CFAP47: variants seen among roughly 807,000 people sequenced by gnomAD.
The protein encoded by CFAP47 is cilia- and flagella-associated protein 47.
Under a neutral mutation model 148.1 loss-of-function variants are expected in CFAP47, and 29 were observed. The observed-to-expected ratio is 0.20, with a 90% CI of 0.15 to 0.27. The LOEUF (loss-of-function observed/expected upper bound fraction) is 0.27, where lower values mean the gene tolerates loss of function less well. CFAP47 is among the 10% of genes least tolerant of loss of function. The probability of loss-of-function intolerance (pLI) is 1.00; values close to 1 mark genes in which losing one functional copy is unlikely to be tolerated. For synonymous variants in CFAP47, 664 were observed against 577.3 expected (o/e 1.15, Z -2.15); for missense variants, 1,872 against 1,697.5 (o/e 1.10, Z -1.81).
intron 13 of CFAP47, among the ~76,000 whole-genome samples, chrX:35,973,524 T>C (rs1209308763): frequency 1.8e-5 from 2 of 111,998 alleles, no homozygotes; most frequent in Non-Finnish European, 3.8e-5. Flanking sequence ...ATTTGCTTTC[T>C]TATTATAGAA....
chrX:36,064,502 C>A (rs967920693), intron 26 of CFAP47, among the ~76,000 whole-genome samples: 3 of 111,810 alleles, frequency 2.7e-5, no homozygotes, highest in African/African-American at 6.5e-5. Context: ...AGGTGGAAAT[C>A]ATTCAGTTGC....
rs778143904 is a variant in CFAP47 at position 36,100,430 on chromosome X, G to C, written c.5127+551G>C. Among the ~76,000 whole-genome samples the C allele has an allele frequency of 2.7e-5, 3 of 112,110 alleles. No homozygotes were observed. In the East Asian group the frequency reaches 8.5e-4, roughly 32 times the overall value. On this transcript the variant is annotated intron_variant, in intron 32 of 63. Coordinates refer to ENST00000378653, the MANE Select transcript of CFAP47 (RefSeq NM_001304548.2). ...GGCAAAAGGTTTTTATGAGATTCTCGAACTTACTTCCTGCCAAATTGCATT... is the reference window on the plus strand; with the variant it reads ...GGCAAAAGGTTTTTATGAGATTCTCCAACTTACTTCCTGCCAAATTGCATT...
chrX:36,104,584 G>A lies in CFAP47; in HGVS notation c.5213G>A (p.Cys1738Tyr). The A allele has an allele frequency of 1.0e-6, 1 of 970,037 alleles. No homozygotes were observed. Among genetic ancestry groups the A allele is most frequent in the Non-Finnish European group, 1.5e-6 (1 of 684,217 alleles). The allele number at this position is 970,037 out of a possible 1,213,427, so 79.9% of individuals were successfully genotyped here. A position where few individuals can be genotyped will look rare whatever the true frequency, so the allele number is the denominator to read the frequency against. Reference sequence around the variant, plus strand: ...CAAAATACACCAAAAGTCAATCCTTGTTTTGCATCCAGCAACATATATTCT... The same window carrying A: ...CAAAATACACCAAAAGTCAATCCTTATTTTGCATCCAGCAACATATATTCT... ...CVQNTPKVNPCFASSNIYSDS... is the reference protein window; with the variant it reads ...CVQNTPKVNPYFASSNIYSDS... The change falls in exon 33 of 64, where the codon TGT becomes TAT. Residue 1738 changes from cysteine (C) to tyrosine (Y), a missense_variant. Transcript: ENST00000378653.
chrX:36,115,167 T>C (rs781541546), intron 33 of CFAP47, among the ~76,000 whole-genome samples: 34 of 112,139 alleles, frequency 3.0e-4, no homozygotes, highest in Non-Finnish European at 5.8e-4. Context: ...ACATACTTTA[T>C]GTAAGCTTAT....
In CFAP47 at chrX:36,252,202, A is replaced by G. The variant is rs185380813; in HGVS notation, c.7444+758A>G. On this transcript the variant is annotated intron_variant, in intron 49 of 63. Transcript: ENST00000378653. ...ATATACACATATTCTTTCTACACTTACATATGTAGTGGTATCTACTGCTCC... is the reference window on the plus strand; with the variant it reads ...ATATACACATATTCTTTCTACACTTGCATATGTAGTGGTATCTACTGCTCC... Among the ~76,000 whole-genome samples the G allele has an allele frequency of 1.2e-4, 13 of 110,375 alleles. No individual in the cohort carries two copies. In the Middle Eastern group the frequency reaches 0.014, roughly 117 times the overall value.
At position 35,926,062 on chromosome X, in the gene CFAP47, C is replaced by T; in HGVS notation, c.295C>T (p.Leu99Phe). Residue 99 changes from leucine (L) to phenylalanine (F), a missense_variant, in exon 2 of 64, where the codon CTT becomes TTT. Physicochemically the swap from Leu to Phe is conservative, Grantham distance 22 (BLOSUM62 0). Coordinates refer to ENST00000378653, the MANE Select transcript of CFAP47 (RefSeq NM_001304548.2). ...TSLDKELASG[L>F]QMTAMVEYHP... The stretch of plus-strand genomic sequence containing the variant: ...TCTGGATAAAGAACTTGCTTCTGGC[C>T]TTCAGATGACAGCTATGGTGGAATA... 3 of 1,204,984 alleles carry T rather than the reference C, an allele frequency of 2.5e-6. No homozygotes were observed. The highest frequency in any genetic ancestry group is 1.7e-5 in the African/African-American group (1 of 57,636).
chrX:36,084,930 C>T (rs1462261847), intron 29 of CFAP47, among the ~76,000 whole-genome samples: 1 of 111,386 alleles, frequency 9.0e-6, no homozygotes, highest in Non-Finnish European at 1.9e-5. Context: ...TTACAGACCT[C>T]ATTATCTCCA....
At chrX:36,229,430 GT>G (rs1215402341) in intron 46 of CFAP47, among the ~76,000 whole-genome samples, 1 of 111,045 alleles carries the variant, frequency 9.0e-6, no homozygotes, top group Non-Finnish European at 1.9e-5. Context: ...TAGAAGTAAA[GT>G]GTGTCCTCTA....
At position 36,228,812 on chromosome X, in the gene CFAP47, G is replaced by C. The variant is rs1940301698; in HGVS notation, c.7002G>C (p.Gln2334His). Reference sequence around the variant, plus strand: ...CACCAGCATTTGAAGCCCTTACTCAGAATATTCCAATAGTATGTATAAACT... The same window carrying C: ...CACCAGCATTTGAAGCCCTTACTCACAATATTCCAATAGTATGTATAAACT... ...FETPAFEALT[Q>H]NIPIKNQTND... The change falls in exon 46 of 64, where the codon CAG (glutamine) becomes CAC (histidine). Residue 2334 changes from glutamine (Q) to histidine (H), a missense_variant. By Grantham distance (24) the Gln-to-His change is conservative. Coordinates refer to ENST00000378653, the MANE Select transcript of CFAP47 (RefSeq NM_001304548.2). 1.9e-6 allele frequency: 1 copy of C among 520,757 alleles called. No individual in the cohort carries two copies. Among genetic ancestry groups the C allele is most frequent in the Non-Finnish European group, 3.5e-6 (1 of 285,090 alleles). The allele number at this position is 520,757 out of a possible 1,213,427, so 42.9% of individuals were successfully genotyped here.
intron 39 of CFAP47, among the ~76,000 whole-genome samples, chrX:36,166,180 T>C (rs972793416): frequency 4.5e-5 from 5 of 112,006 alleles, no homozygotes; most frequent in Non-Finnish European, 9.4e-5. Context: ...TTTTTGAACA[T>C]TTTTTCTCTT....
At chrX:36,367,495 A>C (rs782086516) in intron 62 of CFAP47, among the ~76,000 whole-genome samples, 12 of 111,972 alleles carry the variant, frequency 1.1e-4, no homozygotes, top group African/African-American at 3.6e-4. Flanking sequence ...ATTCCATGTT[A>C]TGTTTAATTT....
At chrX:36,344,697 A>T (rs1941682875) in intron 57 of CFAP47, among the ~76,000 whole-genome samples, 2 of 112,220 alleles carry the variant, frequency 1.8e-5, no homozygotes, top group African/African-American at 3.2e-5. Flanking sequence ...GTTTATTTTT[A>T]GTGGTCATAT....
At chrX:36,028,450 C>T (rs1281950570) in intron 22 of CFAP47, among the ~76,000 whole-genome samples, 1 of 111,240 alleles carries the variant, frequency 9.0e-6, no homozygotes, top group African/African-American at 3.3e-5. Context: ...CTCTAGATTG[C>T]TTTGGGCAGT....
In CFAP47 at chrX:35,924,154, C is replaced by T. The variant is rs1249091828; in HGVS notation, c.250-1863C>T. On this transcript the variant is annotated intron_variant, in intron 1 of 63. Transcript: ENST00000378653. ...ATGTATATGTGTACATGTATGCGTA[C>T]ATATATGTATATATGTACATGTATG... Among the ~76,000 whole-genome samples the T allele has an allele frequency of 8.7e-5, 8 of 91,955 alleles. No homozygotes were observed. In the South Asian group the frequency reaches 2.0e-3, roughly 23 times the overall value. The allele number at this position is 91,955 out of a possible 115,157, so 79.9% of individuals were successfully genotyped here.
intron 57 of CFAP47, among the ~76,000 whole-genome samples, chrX:36,324,871 A>G (rs1941505379): frequency 8.9e-6 from 1 of 111,832 alleles, no homozygotes; most frequent in Non-Finnish European, 1.9e-5. Flanking sequence ...TTAATTTTAT[A>G]AACTAAAATT....
In CFAP47 at chrX:36,272,776, A is replaced by C. The variant is rs181006670; in HGVS notation, c.7445-7711A>C. 2.0e-3 allele frequency among the ~76,000 whole-genome samples: 227 copies of C among 111,618 alleles called. 1 individual carries two copies. The highest frequency in any genetic ancestry group is 6.9e-3 in the African/African-American group (214 of 30,849). On this transcript the variant is annotated intron_variant, in intron 49 of 63. Coordinates refer to ENST00000378653, the MANE Select transcript of CFAP47 (RefSeq NM_001304548.2). ...TTGATATAGCTTATGTTGAGAAATAAAATTTATATAATTTTTATTCTTGTT... is the reference window on the plus strand; with the variant it reads ...TTGATATAGCTTATGTTGAGAAATACAATTTATATAATTTTTATTCTTGTT...
At chrX:36,168,658 C>T (rs1304086075) in intron 39 of CFAP47, among the ~76,000 whole-genome samples, 1 of 111,920 alleles carries the variant, frequency 8.9e-6, no homozygotes, top group East Asian at 2.8e-4. Context: ...AACTCCTGGG[C>T]TCAAGCTATC....
In CFAP47 at chrX:36,149,820, GC is replaced by G. The variant is rs1904662334; in HGVS notation, c.5786+598del. On this transcript the variant is annotated intron_variant, in intron 37 of 63. Coordinates refer to ENST00000378653, the MANE Select transcript of CFAP47 (RefSeq NM_001304548.2). Reference sequence around the variant, plus strand: ...GGCAGGGTTTCACCACGTTGGCCAGGCTGGTCTCGAACTCCTGACCTCATGT... The same window carrying G: ...GGCAGGGTTTCACCACGTTGGCCAGGTGGTCTCGAACTCCTGACCTCATGT... Among the ~76,000 whole-genome samples, 9 of 108,174 alleles carry G rather than the reference GC, an allele frequency of 8.3e-5. No homozygotes were observed. The Admixed American group carries it at 9.0e-4, about 11-fold the overall frequency. The allele number at this position is 108,174 out of a possible 115,157, so 93.9% of individuals were successfully genotyped here. A position where few individuals can be genotyped will look rare whatever the true frequency, so the allele number is the denominator to read the frequency against.
In CFAP47 at chrX:36,300,294, ATT is replaced by A. The variant is rs11393119; in HGVS notation, c.7863-766_7863-765del. On this transcript the variant is annotated intron_variant, in intron 52 of 63. Coordinates refer to ENST00000378653, the MANE Select transcript of CFAP47 (RefSeq NM_001304548.2). Reference sequence around the variant, plus strand: ...CTGAGATACCATCCCAGTTATACTTATTTTTTTTTTTTTGAGACAGAGTCTCA... The same window carrying A: ...CTGAGATACCATCCCAGTTATACTTATTTTTTTTTTTGAGACAGAGTCTCA... Among the ~76,000 whole-genome samples, 3 of 100,671 alleles carry A rather than the reference ATT, an allele frequency of 3.0e-5. No individual in the cohort carries two copies. The East Asian group carries it at 9.4e-4, about 31-fold the overall frequency. 87.4% of individuals were successfully genotyped at this position (100,671 alleles called of 115,157 possible).
Sources: allele counts gnomAD v4.1 joint callset (sites outside exome capture counted in the v4.1 genomes callset), GRCh38; gene constraint gnomAD v4.1.1; transcripts MANE v1.5; gene names NCBI Gene and HGNC (gene_info 2026-07-23, HGNC 2026-07-21).